Variants in PKNOX1 observed in about 807,000 individuals in gnomAD.
PKNOX1 encodes the protein PBX/knotted 1 homeobox 1, also known as homeobox protein PKNOX1.
Under a neutral mutation model 51.9 loss-of-function variants are expected in PKNOX1, and 15 were observed. The ratio of observed to expected loss-of-function variants is 0.29; its 90% confidence interval spans 0.19 to 0.45. The LOEUF is 0.45. Ranked by LOEUF, PKNOX1 falls within the 20% of genes least tolerant of loss-of-function variation. The pLI is 1.00. For synonymous variants in PKNOX1, 219 were observed against 211.1 expected, an observed-to-expected ratio of 1.04 and a Z score of -0.32; for missense variants, 462 against 547.5, an observed-to-expected ratio of 0.84 and a Z score of 1.56.
intron 1 of PKNOX1, among the ~76,000 whole-genome samples, chr21:42,987,962 C>T (rs1390509689): frequency 1.3e-5 from 2 of 152,016 alleles, no homozygotes; most frequent in African/African-American, 4.8e-5. Flanking sequence ...GTAATACAGA[C>T]AGTATGTGAC....
chr21:42,989,688 G>A (rs1443153824), intron 1 of PKNOX1, among the ~76,000 whole-genome samples: 2 of 152,112 alleles, frequency 1.3e-5, no homozygotes, highest in African/African-American at 2.4e-5. Context: ...CAAAATGCTA[G>A]GATTACAGTC....
rs542804697 is a variant in PKNOX1, at chr21:43,032,475, C to T, written c.*2374C>T. The T allele has an allele frequency of 1.9e-5, 5 of 270,164 alleles. No homozygotes were observed. Among genetic ancestry groups the T allele is most frequent in the East Asian group, 9.0e-5 (1 of 11,102 alleles). 16.7% of individuals were successfully genotyped at this position (270,164 alleles called of 1,614,324 possible). ...TGAATTTAAGAGTGCTGCCCCTGCC[C>T]GGCGCAGTAGGGCGTGCCTCTAGTT... On this transcript the variant is annotated 3_prime_UTR_variant, in exon 11 of 11. Coordinates refer to ENST00000291547, the MANE Select transcript of PKNOX1 (RefSeq NM_004571.5).
intron 1 of PKNOX1, among the ~76,000 whole-genome samples, chr21:42,975,251 C>T (rs2146211220): frequency 6.7e-6 from 1 of 150,310 alleles, no homozygotes; most frequent in South Asian, 2.1e-4. Flanking sequence ...GCGACCCCGG[C>T]CCCGGCCTCG....
intron 5 of PKNOX1, among the ~76,000 whole-genome samples, chr21:43,013,978 G>GTATT (rs1979366866): frequency 6.9e-6 from 1 of 145,118 alleles, no homozygotes; most frequent in African/African-American, 2.6e-5. Context: ...TACCCTCTGT[G>GTATT]TATTTTCTTT....
At chr21:42,994,368 G>A (rs1164997543) in intron 1 of PKNOX1, among the ~76,000 whole-genome samples, 2 of 608 alleles carry the variant, frequency 3.3e-3, no homozygotes, top group African/African-American at 0.018. Context: ...GTAGAGGCGG[G>A]GTTTCACCAT....
At chr21:42,981,573 A>G (rs536221618) in intron 1 of PKNOX1, among the ~76,000 whole-genome samples, 2 of 152,108 alleles carry the variant, frequency 1.3e-5, no homozygotes, top group East Asian at 3.9e-4. Context: ...ATTTTATTTT[A>G]TTTTGAGATA....
rs757512509 is a variant in PKNOX1, at chr21:43,013,246, C to G, written c.522+8C>G. On this transcript the variant is annotated splice_region_variant and intron_variant, in intron 5 of 10. Transcript: ENST00000291547. The stretch of plus-strand genomic sequence containing the variant: ...TCACCAGTGCAGTCCCAGGTACTTA[C>G]ATTTGGGGGTCTCGCTTTCCCTCTC... The G allele has an allele frequency of 6.4e-7, 1 of 1,560,204 alleles. No homozygotes were observed. The highest frequency in any genetic ancestry group is 8.7e-7 in the Non-Finnish European group (1 of 1,149,460).
intron 1 of PKNOX1, among the ~76,000 whole-genome samples, chr21:43,001,005 A>C (rs1273662589): frequency 6.6e-6 from 1 of 152,222 alleles, no homozygotes; most frequent in East Asian, 1.9e-4. Context: ...GCTGAATTAG[A>C]GCCACTGCAC....
intron 1 of PKNOX1, among the ~76,000 whole-genome samples, chr21:42,980,393 A>G (rs1266359089): frequency 6.8e-6 from 1 of 147,964 alleles, no homozygotes; most frequent in Non-Finnish European, 1.5e-5. Context: ...AAAAAAAAAT[A>G]CTACTTGTAA....
chr21:43,002,676 C>T (rs1022057611), intron 1 of PKNOX1, among the ~76,000 whole-genome samples: 16 of 152,134 alleles, frequency 1.1e-4, no homozygotes, highest in African/African-American at 2.4e-4. Flanking sequence ...GCTGCTGCCA[C>T]GGCTGCTGCT....
chr21:43,010,750 G>A (rs1386580772), intron 4 of PKNOX1, among the ~76,000 whole-genome samples: 1 of 151,954 alleles, frequency 6.6e-6, no homozygotes, highest in African/African-American at 2.4e-5. Context: ...TGTAGTCCCA[G>A]CTACTCAGGA....
At chr21:42,986,144 T>G (rs1280337215) in intron 1 of PKNOX1, among the ~76,000 whole-genome samples, 1 of 152,202 alleles carries the variant, frequency 6.6e-6, no homozygotes, top group Non-Finnish European at 1.5e-5. Flanking sequence ...TTTAACAGGA[T>G]TTACGATCTA....
intron 4 of PKNOX1, among the ~76,000 whole-genome samples, chr21:43,010,725 A>G (rs1421994593): frequency 6.6e-6 from 1 of 151,838 alleles, no homozygotes; most frequent in Non-Finnish European, 1.5e-5. Context: ...TTAGCCAGGC[A>G]TGGTGGCACA....
chr21:43,033,448 G>A lies in PKNOX1; in HGVS notation c.*3347G>A, dbSNP rs186840063. ...GCAATCTTTCGTTCTAGTTATATTC[G>A]GTCTTTGAAACTGACAATCTTTGAA... On this transcript the variant is annotated 3_prime_UTR_variant, in exon 11 of 11. Coordinates refer to ENST00000291547, the MANE Select transcript of PKNOX1 (RefSeq NM_004571.5). The A allele has an allele frequency of 3.3e-4, 50 of 152,642 alleles. No homozygotes were observed. The highest frequency in any genetic ancestry group is 1.0e-3 in the African/African-American group (43 of 41,518). The allele number at this position is 152,642 out of a possible 1,614,324, so 9.5% of individuals were successfully genotyped here.
chr21:43,025,616 G>A (rs1319314904), intron 9 of PKNOX1, among the ~76,000 whole-genome samples: 1 of 152,200 alleles, frequency 6.6e-6, no homozygotes, highest in East Asian at 1.9e-4. Context: ...CGTGTTCCTA[G>A]GTGGCACTGA....
At chr21:42,977,979 T>G (rs939880029) in intron 1 of PKNOX1, among the ~76,000 whole-genome samples, 9 of 152,136 alleles carry the variant, frequency 5.9e-5, no homozygotes, top group African/African-American at 2.2e-4. Context: ...CACTCATACT[T>G]TCCACATATC....
At position 42,987,905 on chromosome 21, in the gene PKNOX1, ACCGCAC is replaced by A. The variant is rs2059063663; in HGVS notation, c.-57+13245_-57+13250del. 2.0e-5 allele frequency among the ~76,000 whole-genome samples: 3 copies of A among 152,044 alleles called. No individual in the cohort carries two copies. In the South Asian group the frequency reaches 6.2e-4, roughly 32 times the overall value. On this transcript the variant is annotated intron_variant, in intron 1 of 10. Transcript: ENST00000291547. ...AGTGCTGGGATTACAGGCGTGAGCC[ACCGCAC>A]CCGGCCTCTACATTTTTAAAGACCT...
intron 1 of PKNOX1, among the ~76,000 whole-genome samples, chr21:42,983,857 C>T (rs2059038456): frequency 6.6e-6 from 1 of 152,102 alleles, no homozygotes. Flanking sequence ...TTACCCAACA[C>T]TTATTTTCTT....
rs1980248540 is a variant in PKNOX1 at position 43,031,115 on chromosome 21, G to C, written c.*1014G>C. On this transcript the variant is annotated 3_prime_UTR_variant, in exon 11 of 11. Transcript: ENST00000291547. ...ATTTAAATCTGACCACAGTTGCATG[G>C]TCGCTTTACCATGTTAGCTGTGTAT... The C allele has an allele frequency of 6.6e-6, 1 of 152,640 alleles. No individual in the cohort carries two copies. Among genetic ancestry groups the C allele is most frequent in the African/African-American group, 2.4e-5 (1 of 41,452 alleles). 9.5% of individuals were successfully genotyped at this position (152,640 alleles called of 1,614,324 possible).
Sources: allele counts gnomAD v4.1 joint callset (sites outside exome capture counted in the v4.1 genomes callset), GRCh38; gene constraint gnomAD v4.1.1; transcripts MANE v1.5; gene names NCBI Gene and HGNC (gene_info 2026-07-23, HGNC 2026-07-21).